The following PPP4R3B variants were observed in gnomAD, a reference collection of about 807,000 sequenced individuals.
PPP4R3B encodes protein phosphatase 4 regulatory subunit 3B, also known as serine/threonine-protein phosphatase 4 regulatory subunit 3B.
A neutral mutation model predicts 95.4 loss-of-function variants in PPP4R3B; 52 were observed. The ratio of observed to expected loss-of-function variants is 0.54; its 90% CI spans 0.44 to 0.69. The LOEUF is 0.69. Among genes scored for constraint, PPP4R3B ranks in the 30% least tolerant of loss-of-function variants. PPP4R3B has a pLI of 0.00. For missense variants in PPP4R3B, 1,003 were observed against 1,005.9 expected, an observed-to-expected ratio of 1.00 and a Z score of 0.04; for synonymous variants, 407 against 343.9, an observed-to-expected ratio of 1.18 and a Z score of -2.03.
intron 15 of PPP4R3B, among the ~76,000 whole-genome samples, chr2:55,563,861 CTT>C (rs1305999796): frequency 6.6e-6 from 1 of 152,106 alleles, no homozygotes; most frequent in East Asian, 1.9e-4. Context: ...TTTCACTTCT[CTT>C]GTTAGTATAT....
chr2:55,561,643 A>C (rs944908207), intron 15 of PPP4R3B, among the ~76,000 whole-genome samples: 2 of 152,238 alleles, frequency 1.3e-5, no homozygotes, highest in Non-Finnish European at 2.9e-5. Flanking sequence ...TGAAACATGG[A>C]GTCAAAGGAG....
intron 1 of PPP4R3B, among the ~76,000 whole-genome samples, chr2:55,615,878 A>G (rs1694843128): frequency 7.1e-6 from 1 of 141,442 alleles, no homozygotes; most frequent in Admixed American, 7.0e-5. Context: ...AAAAAAAAAA[A>G]AAAATACACA....
intron 3 of PPP4R3B, among the ~76,000 whole-genome samples, chr2:55,601,914 T>C (rs1017992536): frequency 1.3e-5 from 2 of 152,112 alleles, no homozygotes; most frequent in African/African-American, 2.4e-5. Context: ...CACTGGCCCA[T>C]GCTGCAGTTA....
chr2:55,558,539 C>T lies in PPP4R3B; in HGVS notation c.2454+236G>A, dbSNP rs553884583. ...AGGAGAACTGCTTGAACCCGGGAGG[C>T]GGAGGTTGCAGTGAGCTGAGATCAC... On this transcript the variant is annotated intron_variant, in intron 16 of 16. Transcript: ENST00000616407. Among the ~76,000 whole-genome samples the T allele has an allele frequency of 4.3e-4, 65 of 152,002 alleles. 1 individual carries two copies. Among genetic ancestry groups the T allele is most frequent in the African/African-American group, 1.4e-3 (56 of 41,442 alleles).
intron 11 of PPP4R3B, 50 bp from the exon 12 acceptor site, chr2:55,573,827 AAAG>A (rs766612551): frequency 8.9e-5 from 109 of 1,230,082 alleles, no homozygotes; most frequent in Non-Finnish European, 1.2e-4. Context: ...ATATCTAAAT[AAAG>A]AATAAATAAA....
intron 2 of PPP4R3B, among the ~76,000 whole-genome samples, chr2:55,610,312 C>T (rs1051670994): frequency 1.6e-4 from 25 of 152,144 alleles, no homozygotes; most frequent in Admixed American, 1.6e-3. Flanking sequence ...TTATTCATGA[C>T]ATTGCCACAC....
intron 2 of PPP4R3B, among the ~76,000 whole-genome samples, chr2:55,605,479 ACTT>A (rs1244186822): frequency 2.0e-5 from 3 of 152,358 alleles, no homozygotes; most frequent in African/African-American, 4.8e-5. Flanking sequence ...TCAGATTAAT[ACTT>A]CTTATTTTCT....
intron 4 of PPP4R3B, among the ~76,000 whole-genome samples, chr2:55,594,297 T>TAAAAAA (rs1485609247): frequency 1.5e-5 from 1 of 66,954 alleles, no homozygotes. Flanking sequence ...CCTCTGAATC[T>TAAAAAA]AAAATAAAAA....
At chr2:55,584,591 T>TAGGG (rs1689886535) in intron 7 of PPP4R3B, among the ~76,000 whole-genome samples, 1 of 152,208 alleles carries the variant, frequency 6.6e-6, no homozygotes, top group African/African-American at 2.4e-5. Flanking sequence ...GTTGAGAACA[T>TAGGG]ACGATGTTTG....
chr2:55,588,826 T>C lies in PPP4R3B; in HGVS notation c.999+53A>G, dbSNP rs1690547786. On this transcript the variant is annotated intron_variant, in intron 5 of 16. Transcript: ENST00000616407. ...AGTTAGCAAATTCAAGATTAAAAGC[T>C]GTGCATGCCAAAAGAATAAGTGCTC... 8.5e-6 allele frequency: 10 copies of C among 1,176,576 alleles called. No individual in the cohort carries two copies. In the South Asian group the frequency reaches 1.3e-4, roughly 15 times the overall value. The allele number at this position is 1,176,576 out of a possible 1,614,324, so 72.9% of individuals were successfully genotyped here. A position where few individuals can be genotyped will look rare whatever the true frequency, so the allele number is the denominator to read the frequency against.
Position 55,598,898 on chromosome 2 carries a change from C to T in PPP4R3B, c.439G>A (p.Asp147Asn). ...CELNKLEEIA[D>N]LVTSVLSSPI... ...GAGGAGAGCACTGAGGTAACTAAGT[C>T]AGCAATCTCTTCAAGTTTATTGAGT... Residue 147 changes from aspartate (D) to asparagine (N), a missense_variant, in exon 4 of 17, where the codon GAC becomes AAC. By Grantham distance (23) the Asp-to-Asn change is conservative (BLOSUM62 1). Transcript: ENST00000616407. 1.2e-6 allele frequency: 2 copies of T among 1,614,138 alleles called. No individual in the cohort carries two copies. Among genetic ancestry groups the T allele is most frequent in the Non-Finnish European group, 1.7e-6 (2 of 1,180,030 alleles).
intron 2 of PPP4R3B, among the ~76,000 whole-genome samples, chr2:55,606,222 C>A (rs1693368801): frequency 6.6e-6 from 1 of 151,906 alleles, no homozygotes; most frequent in Non-Finnish European, 1.5e-5. Context: ...TATATTAATA[C>A]ATTATAAAAC....
At position 55,581,701 on chromosome 2, in the gene PPP4R3B, GGTGGCAAA is replaced by G. The variant is rs1689461655; in HGVS notation, c.1234-11_1234-4del. The G allele has an allele frequency of 6.2e-7, 1 of 1,608,536 alleles. No homozygotes were observed. Among genetic ancestry groups the G allele is most frequent in the African/African-American group, 1.3e-5 (1 of 74,604 alleles). On this transcript the variant is annotated splice_region_variant and splice_polypyrimidine_tract_variant and intron_variant, in intron 7 of 16. Coordinates refer to ENST00000616407, the MANE Select transcript of PPP4R3B (RefSeq NM_001122964.3). Reference sequence around the variant, plus strand: ...ACCACATTAATAAGAAGAATATCCTGGTGGCAAAACAAAACAAAACAAAACATGTTTCC... The same window carrying G: ...ACCACATTAATAAGAAGAATATCCTGACAAAACAAAACAAAACATGTTTCC...
At chr2:55,554,221 T>C (rs186532737) in intron 16 of PPP4R3B, among the ~76,000 whole-genome samples, 12 of 152,298 alleles carry the variant, frequency 7.9e-5, no homozygotes, top group African/African-American at 1.7e-4. Flanking sequence ...TGTGCCACCA[T>C]GTCCAGCTAA....
intron 15 of PPP4R3B, 73 bp downstream of exon 15, chr2:55,564,240 C>A: frequency 7.5e-7 from 1 of 1,334,910 alleles, no homozygotes; most frequent in Non-Finnish European, 1.0e-6. Context: ...ATAAACAAAC[C>A]TTCACAAAGC....
chr2:55,556,629 AT>A (rs903789834), intron 16 of PPP4R3B, among the ~76,000 whole-genome samples: 10 of 143,482 alleles, frequency 7.0e-5, no homozygotes, highest in African/African-American at 2.9e-4. Context: ...TATTACTTTG[AT>A]TTAAAAAAAA....
chr2:55,583,265 TCTC>T (rs1463925066), intron 7 of PPP4R3B, among the ~76,000 whole-genome samples: 13 of 152,164 alleles, frequency 8.5e-5, no homozygotes, highest in African/African-American at 3.1e-4. Flanking sequence ...TAATTTATCT[TCTC>T]TTGTGGACTA....
At chr2:55,558,744 CAA>C in intron 16 of PPP4R3B, 29 bp downstream of exon 16, 1 of 1,430,308 alleles carries the variant, frequency 7.0e-7, no homozygotes, top group East Asian at 2.6e-5. Flanking sequence ...ACGGGAAAAG[CAA>C]AGTTTGTGTG....
At chr2:55,558,703 T>G in intron 16 of PPP4R3B, 72 bp downstream of exon 16, 1 of 1,225,348 alleles carries the variant, frequency 8.2e-7, no homozygotes, top group East Asian at 2.5e-5. Context: ...TTATCCAAAT[T>G]TTTTTCAGTA....
Sources: gnomAD v4.1 joint callset for allele counts (sites outside exome capture counted in the v4.1 genomes callset) on GRCh38, gnomAD v4.1.1 for gene constraint, MANE v1.5 for transcripts, NCBI Gene and HGNC (gene_info 2026-07-23, HGNC 2026-07-21) for gene names.